MMP26: variants seen among roughly 807,000 people sequenced by gnomAD.
MMP26 encodes the protein matrix metalloproteinase-26.
MMP26 carries 33 observed loss-of-function variants against 31.0 expected under a neutral mutation model. The ratio of observed to expected loss-of-function variants is 1.06; its 90% confidence interval spans 0.81 to 1.42. The LOEUF is 1.42. MMP26 is among the 40% of genes most tolerant of loss of function. The probability of loss-of-function intolerance (pLI) is 0.00; values close to 1 mark genes in which losing one functional copy is unlikely to be tolerated. For missense variants in MMP26, 347 were observed against 316.1 expected (o/e 1.10, Z -0.74); for synonymous variants, 122 against 114.9 (o/e 1.06, Z -0.40).
chr11:4,859,745 C>T, intron 2 of MMP26: 1 of 471,254 alleles, frequency 2.1e-6, no homozygotes, highest in South Asian at 1.5e-5. Flanking sequence ...ATGTGCACTA[C>T]TGGTGATAAA....
chr11:4,802,825 C>T (rs1216557392), intron 2 of MMP26, among the ~76,000 whole-genome samples: 1 of 152,036 alleles, frequency 6.6e-6, no homozygotes, highest in East Asian at 1.9e-4. Flanking sequence ...AAGATTATAT[C>T]TTGCTTATTT....
At chr11:4,837,155 C>G (rs1052532104) in intron 2 of MMP26, among the ~76,000 whole-genome samples, 4 of 151,976 alleles carry the variant, frequency 2.6e-5, no homozygotes, top group Non-Finnish European at 4.4e-5. Context: ...AATGTAATTG[C>G]TATTTTGTCA....
chr11:4,870,325 T>A lies in MMP26; in HGVS notation c.-145+102984T>A, dbSNP rs190152299. Among the ~76,000 whole-genome samples, 45 of 150,284 alleles carry A rather than the reference T, an allele frequency of 3.0e-4. 1 individual carries two copies. Among genetic ancestry groups the A allele is most frequent in the Non-Finnish European group, 1.5e-5 (1 of 67,980 alleles). On this transcript the variant is annotated intron_variant, in intron 2 of 7. Transcript: ENST00000380390. ...ATCTTTAAAATATGTTTTTAAAACATGTTGTTTAAATAAATAATGACACTC... is the reference window on the plus strand; with the variant it reads ...ATCTTTAAAATATGTTTTTAAAACAAGTTGTTTAAATAAATAATGACACTC...
chr11:4,822,444 A>G, intron 2 of MMP26: 1 of 1,375,656 alleles, frequency 7.3e-7, no homozygotes, highest in East Asian at 2.6e-5. Flanking sequence ...TAATTGTCCC[A>G]AAGTGCCCAC....
chr11:4,766,279 C>T (rs1848627712), intron 1 of MMP26, among the ~76,000 whole-genome samples: 6 of 152,150 alleles, frequency 3.9e-5, no homozygotes, highest in Admixed American at 3.9e-4. Flanking sequence ...GAGAGAGCTC[C>T]AGGAGATAGA....
At chr11:4,779,686 T>C (rs1176029731) in intron 2 of MMP26, among the ~76,000 whole-genome samples, 2 of 152,132 alleles carry the variant, frequency 1.3e-5, no homozygotes, top group East Asian at 3.8e-4. Flanking sequence ...TTAGTTTAGC[T>C]AAGTCCTATT....
At chr11:4,817,560 C>T (rs1159973198) in intron 2 of MMP26, among the ~76,000 whole-genome samples, 2 of 152,116 alleles carry the variant, frequency 1.3e-5, no homozygotes, top group Non-Finnish European at 2.9e-5. Context: ...GCACTCCATT[C>T]TGGGCAACAG....
At chr11:4,839,844 A>C (rs1427442991) in intron 2 of MMP26, among the ~76,000 whole-genome samples, 4 of 151,840 alleles carry the variant, frequency 2.6e-5, no homozygotes, top group African/African-American at 9.7e-5. Flanking sequence ...AGGTACCAGC[A>C]CAACCACAGG....
intron 2 of MMP26, among the ~76,000 whole-genome samples, chr11:4,844,510 TCAA>T (rs1849840105): frequency 2.0e-5 from 3 of 152,080 alleles, no homozygotes; most frequent in Non-Finnish European, 4.4e-5. Flanking sequence ...GCAAAAATCC[TCAA>T]CAAAATACTA....
chr11:4,838,772 C>T (rs547693706), intron 2 of MMP26, among the ~76,000 whole-genome samples: 32 of 152,112 alleles, frequency 2.1e-4, no homozygotes, highest in Middle Eastern at 3.4e-3. Flanking sequence ...ATAGAAGGCT[C>T]CACCAATTGT....
intron 2 of MMP26, among the ~76,000 whole-genome samples, chr11:4,775,981 T>C (rs2133427381): frequency 6.6e-6 from 1 of 152,264 alleles, no homozygotes; most frequent in African/African-American, 2.4e-5. Context: ...CCAGTGTCTA[T>C]CATTCCACAG....
intron 2 of MMP26, among the ~76,000 whole-genome samples, chr11:4,872,508 C>T (rs1212935768): frequency 6.6e-6 from 1 of 151,898 alleles, no homozygotes; most frequent in African/African-American, 2.4e-5. Context: ...CCCCACTCAC[C>T]CCTGAGCCCC....
At chr11:4,772,907 A>G (rs1009906317) in intron 2 of MMP26, among the ~76,000 whole-genome samples, 2 of 152,278 alleles carry the variant, frequency 1.3e-5, no homozygotes, top group East Asian at 1.9e-4. Flanking sequence ...ACTCCTGTGC[A>G]TTCCTGTTCA....
intron 2 of MMP26, among the ~76,000 whole-genome samples, chr11:4,827,422 G>C (rs1849591402): frequency 6.6e-6 from 1 of 152,014 alleles, no homozygotes; most frequent in Non-Finnish European, 1.5e-5. Flanking sequence ...ACTCCAAATA[G>C]AGAAGAAAAA....
chr11:4,872,585 A>G (rs1180963466), intron 2 of MMP26, among the ~76,000 whole-genome samples: 1 of 151,516 alleles, frequency 6.6e-6, no homozygotes, highest in African/African-American at 2.4e-5. Context: ...TAGTCTGTGG[A>G]TCCCACAAGA....
intron 2 of MMP26, chr11:4,863,693 A>C (rs533579273): frequency 6.6e-6 from 1 of 152,260 alleles, no homozygotes; most frequent in African/African-American, 2.4e-5. Flanking sequence ...GCCTTTATAA[A>C]GACTGCTCAA....
At chr11:4,918,432 A>G (rs1851131370) in intron 2 of MMP26, among the ~76,000 whole-genome samples, 1 of 152,170 alleles carries the variant, frequency 6.6e-6, no homozygotes, top group Non-Finnish European at 1.5e-5. Flanking sequence ...GAGGTACAGC[A>G]GAACAGGAAT....
At chr11:4,926,384 G>A (rs1216332662) in intron 2 of MMP26, among the ~76,000 whole-genome samples, 4 of 152,038 alleles carry the variant, frequency 2.6e-5, no homozygotes, top group African/African-American at 9.7e-5. Context: ...AGCCCTTATG[G>A]GAGAGAGAGC....
intron 2 of MMP26, among the ~76,000 whole-genome samples, chr11:4,940,487 T>C (rs1220189199): frequency 2.0e-5 from 3 of 152,194 alleles, no homozygotes; most frequent in Non-Finnish European, 4.4e-5. Context: ...GGATTTTGTC[T>C]TACCATTTTA....
Sources: gnomAD v4.1 joint callset for allele counts (sites outside exome capture counted in the v4.1 genomes callset) on GRCh38, gnomAD v4.1.1 for gene constraint, MANE v1.5 for transcripts, NCBI Gene and HGNC (gene_info 2026-07-23, HGNC 2026-07-21) for gene names.